HMGN2: variants seen among roughly 807,000 people sequenced by gnomAD.
HMGN2 encodes the protein non-histone chromosomal protein HMG-17.
Under a neutral mutation model 16.9 loss-of-function variants are expected in HMGN2, and 2 were observed. The observed-to-expected ratio is 0.12, with a 90% CI of 0.05 to 0.37. The LOEUF (loss-of-function observed/expected upper bound fraction) is 0.37, where lower values mean the gene tolerates loss of function less well. HMGN2 is among the 10% of genes least tolerant of loss of function. The probability of loss-of-function intolerance (pLI) is 1.00; values close to 1 mark genes in which losing one functional copy is unlikely to be tolerated. For missense variants in HMGN2, 90 were observed against 106.0 expected, an observed-to-expected ratio of 0.85 and a Z score of 0.66; for synonymous variants, 31 against 34.9, an observed-to-expected ratio of 0.89 and a Z score of 0.39.
intron 1 of HMGN2, 132 bp from the exon 2 acceptor site, chr1:26,473,351 G>C (rs1199224629): frequency 3.0e-6 from 2 of 666,178 alleles, no homozygotes; most frequent in Non-Finnish European, 5.2e-6. Flanking sequence ...TACGAACGTC[G>C]GGCTCACTCA....
rs372117069 is a variant in HMGN2 at position 26,475,142 on chromosome 1, C to T, written c.267C>T (p.Ala89=). The T allele has an allele frequency of 1.2e-6, 2 of 1,605,360 alleles. No individual in the cohort carries two copies. Among genetic ancestry groups the T allele is most frequent in the African/African-American group, 2.7e-5 (2 of 74,734 alleles). ...QAQKAEGAGD[A]K ...AGAAAGCTGAAGGTGCTGGAGATGCCAAGTGAAGTGTGTGCATTTTTGATA... is the reference window on the plus strand; with the variant it reads ...AGAAAGCTGAAGGTGCTGGAGATGCTAAGTGAAGTGTGTGCATTTTTGATA... Residue 89 remains alanine (A), a synonymous_variant, in exon 6 of 6, where the codon GCC becomes GCT. Transcript: ENST00000361427.
intron 5 of HMGN2, 93 bp downstream of exon 5, chr1:26,474,760 A>G: frequency 1.4e-6 from 1 of 713,328 alleles, no homozygotes; most frequent in South Asian, 1.5e-5. Context: ...ATCACTCCAA[A>G]TGTACCATTT....
At position 26,475,733 on chromosome 1, in the gene HMGN2, G is replaced by A. The variant is rs2075603747; in HGVS notation, c.*585G>A. On this transcript the variant is annotated 3_prime_UTR_variant, in exon 6 of 6. Coordinates refer to ENST00000361427, the MANE Select transcript of HMGN2 (RefSeq NM_005517.4). ...AGTCAGGGTCGGCTTGTGAAAAGTT[G>A]TTAAACAACATGCTAAATGTGAAAT... The A allele has an allele frequency of 3.1e-6, 1 of 321,342 alleles. No homozygotes were observed. Among genetic ancestry groups the A allele is most frequent in the South Asian group, 2.4e-5 (1 of 42,018 alleles). The allele number at this position is 321,342 out of a possible 1,614,324, so 19.9% of individuals were successfully genotyped here. A position where few individuals can be genotyped will look rare whatever the true frequency, so the allele number is the denominator to read the frequency against.
At chr1:26,473,980 G>A (rs2075592335) in intron 3 of HMGN2, 105 bp from the exon 4 acceptor site, 2 of 986,824 alleles carry the variant, frequency 2.0e-6, no homozygotes, top group Admixed American at 2.4e-5. Flanking sequence ...CTTTTGAGGA[G>A]GAGGAGAAAC....
In HMGN2 at chr1:26,472,479, A is replaced by G. The variant is rs983351953; in HGVS notation, c.-134A>G. 2 of 1,125,884 alleles carry G rather than the reference A, an allele frequency of 1.8e-6. No homozygotes were observed. Among genetic ancestry groups the G allele is most frequent in the Admixed American group, 2.0e-5 (1 of 48,976 alleles). The allele number at this position is 1,125,884 out of a possible 1,614,324, so 69.7% of individuals were successfully genotyped here. A position where few individuals can be genotyped will look rare whatever the true frequency, so the allele number is the denominator to read the frequency against. On this transcript the variant is annotated 5_prime_UTR_variant, in exon 1 of 6. The change creates a new upstream start codon in the 5' untranslated region. Transcript: ENST00000361427. ...ACCGGTCCGGGGCTCCCAGCGCTAT[A>G]AAAACTTTATAAACCCCCCGGAGCC...
rs908017312 is a variant in HMGN2, at chr1:26,475,380, A to G, written c.*232A>G. On this transcript the variant is annotated 3_prime_UTR_variant, in exon 6 of 6. Coordinates refer to ENST00000361427, the MANE Select transcript of HMGN2 (RefSeq NM_005517.4). ...TGTGGAGAAAACACCTTTCCCTTCT[A>G]GTTTTGAGAGACTTCCTCTTGGCTC... 5 of 396,038 alleles carry G rather than the reference A, an allele frequency of 1.3e-5. No individual in the cohort carries two copies. The highest frequency in any genetic ancestry group is 6.3e-5 in the African/African-American group (3 of 47,916). 24.5% of individuals were successfully genotyped at this position (396,038 alleles called of 1,614,324 possible).
In HMGN2 at chr1:26,472,499, G is replaced by T; in HGVS notation, c.-114G>T. 1 of 1,286,864 alleles carries T rather than the reference G, an allele frequency of 7.8e-7. No individual in the cohort carries two copies. Among genetic ancestry groups the T allele is most frequent in the African/African-American group, 1.5e-5 (1 of 67,342 alleles). 79.7% of individuals were successfully genotyped at this position (1,286,864 alleles called of 1,614,324 possible). A position where few individuals can be genotyped will look rare whatever the true frequency, so the allele number is the denominator to read the frequency against. ...GCTATAAAAACTTTATAAACCCCCC[G>T]GAGCCCGAGCAGTGTGAAGAAGAGG... On this transcript the variant is annotated 5_prime_UTR_variant, in exon 1 of 6. Transcript: ENST00000361427.
intron 4 of HMGN2, among the ~76,000 whole-genome samples, 182 bp from the exon 5 acceptor site, chr1:26,474,390 G>A (rs1293563579): frequency 6.6e-6 from 1 of 152,192 alleles, no homozygotes; most frequent in Non-Finnish European, 1.5e-5. Flanking sequence ...GAAATTCTAA[G>A]TACTAAAGAT....
In HMGN2 at chr1:26,472,594, T is replaced by A; in HGVS notation, c.-19T>A. ...CCCGCGTCCAGCACCTACGTCCCGC[T>A]GCCGTCGCCGCCGCCACCATGCCCA... On this transcript the variant is annotated 5_prime_UTR_variant, in exon 1 of 6. Coordinates refer to ENST00000361427, the MANE Select transcript of HMGN2 (RefSeq NM_005517.4). 1 of 1,534,636 alleles carries A rather than the reference T, an allele frequency of 6.5e-7. No individual in the cohort carries two copies. Among genetic ancestry groups the A allele is most frequent in the Non-Finnish European group, 8.7e-7 (1 of 1,147,726 alleles).
chr1:26,473,637 A>C (rs2124569983), intron 2 of HMGN2, 66 bp from the exon 3 acceptor site: 2 of 1,583,524 alleles, frequency 1.3e-6, no homozygotes, highest in East Asian at 4.5e-5. Context: ...ATCTAGAGCA[A>C]ATTGATACCA....
intron 2 of HMGN2, 46 bp downstream of exon 2, chr1:26,473,573 G>A: frequency 6.4e-7 from 1 of 1,558,242 alleles, no homozygotes; most frequent in Non-Finnish European, 8.9e-7. Context: ...ACTAGCAGAG[G>A]CCACTGGACT....
Position 26,473,419 on chromosome 1 carries a change from A to G in HMGN2, c.16-64A>G, listed in dbSNP as rs2075588804. 5 of 1,186,376 alleles carry G rather than the reference A, an allele frequency of 4.2e-6. No individual in the cohort carries two copies. The South Asian group carries it at 4.9e-5, about 12-fold the overall frequency. 73.5% of individuals were successfully genotyped at this position (1,186,376 alleles called of 1,614,324 possible). ...CTTTAATTTTCATTTTTAGCACTCT[A>G]AAGTTTGGGAAGTAATTAAGAACCA... On this transcript the variant is annotated intron_variant, in intron 1 of 5. Transcript: ENST00000361427.
At chr1:26,473,313 C>G in intron 1 of HMGN2, 170 bp from the exon 2 acceptor site, 4 of 588,224 alleles carry the variant, frequency 6.8e-6, no homozygotes, top group Non-Finnish European at 9.0e-6. Context: ...GTCGGCGAGC[C>G]GGAGCTCCTG....
Position 26,475,801 on chromosome 1 carries a change from G to A in HMGN2, c.*653G>A, listed in dbSNP as rs2075604284. 3.0e-6 allele frequency: 1 copy of A among 331,570 alleles called. No homozygotes were observed. Among genetic ancestry groups the A allele is most frequent in the South Asian group, 2.3e-5 (1 of 43,938 alleles). The allele number at this position is 331,570 out of a possible 1,614,324, so 20.5% of individuals were successfully genotyped here. A position where few individuals can be genotyped will look rare whatever the true frequency, so the allele number is the denominator to read the frequency against. ...ACTTTCCCTGTTCAGAGCATCAGAT[G>A]AAGACTTCATTGGGTTTTATAGTGG... On this transcript the variant is annotated 3_prime_UTR_variant, in exon 6 of 6. Transcript: ENST00000361427.
intron 5 of HMGN2, 132 bp from the exon 6 acceptor site, chr1:26,474,981 C>G (rs2075598637): frequency 1.4e-6 from 1 of 740,484 alleles, no homozygotes; most frequent in African/African-American, 1.8e-5. Context: ...AAGTCATTCT[C>G]AGAAGAAATA....
rs2075579407 is a variant in HMGN2 at position 26,472,746 on chromosome 1, G to T, written c.15+119G>T. On this transcript the variant is annotated intron_variant, in intron 1 of 5. Transcript: ENST00000361427. ...AGGAGCCAGCGCAGCCTCCCCGCGC[G>T]GGGGCTGGAGACGGTGTCGGGCAGC... 38 of 900,166 alleles carry T rather than the reference G, an allele frequency of 4.2e-5. No individual in the cohort carries two copies. In the South Asian group the frequency reaches 6.2e-4, roughly 15 times the overall value. 55.8% of individuals were successfully genotyped at this position (900,166 alleles called of 1,614,324 possible).
chr1:26,474,129 T>C lies in HMGN2; in HGVS notation c.135T>C (p.Pro45=). 6.2e-7 allele frequency: 1 copy of C among 1,607,902 alleles called. No homozygotes were observed. The highest frequency in any genetic ancestry group is 8.5e-7 in the Non-Finnish European group (1 of 1,177,842). The change falls in exon 4 of 6, where the codon CCT becomes CCC. Residue 45 remains proline (P), a synonymous_variant. Transcript: ENST00000361427. The part of the protein sequence containing the change: ...PKPEPKPKKA[P]AKKGEKVPKG... ...CAGAGCCCAAGCCTAAAAAGGCCCC[T>C]GCAAAGGTAAGTGCTAACATTGGAA...
chr1:26,475,115 A>G lies in HMGN2; in HGVS notation c.240A>G (p.Ala80=). ...AENGDAKTDQ[A]QKAEGAGDAK The stretch of plus-strand genomic sequence containing the variant: ...TTAATTTGTCTGTTTTCTTTTAGGC[A>G]CAGAAAGCTGAAGGTGCTGGAGATG... The change falls in exon 6 of 6, where the codon GCA becomes GCG. Residue 80 remains alanine, a splice_region_variant and synonymous_variant. Coordinates refer to ENST00000361427, the MANE Select transcript of HMGN2 (RefSeq NM_005517.4). The G allele has an allele frequency of 6.2e-7, 1 of 1,611,208 alleles. No homozygotes were observed. The highest frequency in any genetic ancestry group is 8.5e-7 in the Non-Finnish European group (1 of 1,177,698).
intron 3 of HMGN2, 110 bp downstream of exon 3, chr1:26,473,842 G>A: frequency 1.7e-6 from 2 of 1,146,962 alleles, no homozygotes; most frequent in South Asian, 1.3e-5. Context: ...TTGAATCATT[G>A]CCTCTACTTG....
Sources: allele counts gnomAD v4.1 joint callset (sites outside exome capture counted in the v4.1 genomes callset), GRCh38; gene constraint gnomAD v4.1.1; transcripts MANE v1.5; gene names NCBI Gene and HGNC (gene_info 2026-07-23, HGNC 2026-07-21).